ADAMTS18: variants seen among roughly 807,000 people sequenced by gnomAD.
The protein encoded by ADAMTS18 is A disintegrin and metalloproteinase with thrombospondin motifs 18.
Under a neutral mutation model 165.9 loss-of-function variants are expected in ADAMTS18, and 157 were observed. The observed-to-expected ratio is 0.95, with a 90% CI of 0.83 to 1.08. The LOEUF is 1.08. Among genes scored for constraint, ADAMTS18 ranks in the 50% least tolerant of loss-of-function variants. The probability of loss-of-function intolerance (pLI) is 0.00; values close to 1 mark genes in which losing one functional copy is unlikely to be tolerated. For missense variants in ADAMTS18, 2,040 were observed against 1,534.0 expected (o/e 1.33, Z -5.51); for synonymous variants, 782 against 578.2 (o/e 1.35, Z -5.06).
At chr16:77,375,800 CAAG>C (rs2144760228) in intron 3 of ADAMTS18, among the ~76,000 whole-genome samples, 1 of 151,486 alleles carries the variant, frequency 6.6e-6, no homozygotes, top group South Asian at 2.1e-4. Flanking sequence ...ACAGGCTGTA[CAAG>C]AAGCATGACT....
chr16:77,358,521 C>A (rs2056665141), intron 8 of ADAMTS18, among the ~76,000 whole-genome samples: 1 of 152,104 alleles, frequency 6.6e-6, no homozygotes, highest in South Asian at 2.1e-4. Context: ...GAGATCGTGC[C>A]ACTGCACTCC....
chr16:77,328,953 G>C (rs1338157464), intron 12 of ADAMTS18, among the ~76,000 whole-genome samples: 1 of 152,196 alleles, frequency 6.6e-6, no homozygotes, highest in Non-Finnish European at 1.5e-5. Flanking sequence ...TCAAGCTCAG[G>C]CCTGTGGACT....
intron 4 of ADAMTS18, among the ~76,000 whole-genome samples, chr16:77,365,996 A>C (rs2144740855): frequency 6.6e-6 from 1 of 152,352 alleles, no homozygotes; most frequent in Non-Finnish European, 1.5e-5. Context: ...ACTATCATTA[A>C]TACAGGCTAA....
chr16:77,367,783 G>C (rs1377611555), intron 3 of ADAMTS18, 60 bp from the exon 4 acceptor site: 8 of 1,607,808 alleles, frequency 5.0e-6, no homozygotes, highest in Admixed American at 3.3e-5. Flanking sequence ...GCCAAGGGTT[G>C]GTTTTCAACA....
chr16:77,434,994 C>G lies in ADAMTS18; in HGVS notation c.-299G>C, dbSNP rs1450275948. 1 of 266,250 alleles carries G rather than the reference C, an allele frequency of 3.8e-6. No individual in the cohort carries two copies. The highest frequency in any genetic ancestry group is 7.0e-5 in the East Asian group (1 of 14,376). The allele number at this position is 266,250 out of a possible 1,614,324, so 16.5% of individuals were successfully genotyped here. On this transcript the variant is annotated 5_prime_UTR_variant, in exon 1 of 23. Transcript: ENST00000282849. ...ACGGTTGGGAGACTGTCGGTGTCTGCCCGCCCGTCTGTGCGTCTGTCTGTG... is the reference window on the plus strand; with the variant it reads ...ACGGTTGGGAGACTGTCGGTGTCTGGCCGCCCGTCTGTGCGTCTGTCTGTG...
chr16:77,382,076 C>T (rs920506176), intron 3 of ADAMTS18, among the ~76,000 whole-genome samples: 5 of 152,272 alleles, frequency 3.3e-5, no homozygotes, highest in East Asian at 1.9e-4. Flanking sequence ...GCAACAGCCG[C>T]GCCACATCCT....
At chr16:77,387,996 G>A (rs565416028) in intron 3 of ADAMTS18, among the ~76,000 whole-genome samples, 6 of 152,116 alleles carry the variant, frequency 3.9e-5, no homozygotes, top group Non-Finnish European at 8.8e-5. Context: ...TCCTAGGATG[G>A]CAGAGCTTTC....
At chr16:77,422,005 T>A (rs1412280563) in intron 3 of ADAMTS18, among the ~76,000 whole-genome samples, 1 of 152,210 alleles carries the variant, frequency 6.6e-6, no homozygotes, top group Non-Finnish European at 1.5e-5. Context: ...GTTTGGCTAA[T>A]GCAATTTATG....
At chr16:77,321,425 C>T (rs571842923) in intron 14 of ADAMTS18, among the ~76,000 whole-genome samples, 1 of 152,286 alleles carries the variant, frequency 6.6e-6, no homozygotes, top group Admixed American at 6.5e-5. Context: ...AAGGCTTAGA[C>T]TCTTCATCAA....
intron 13 of ADAMTS18, among the ~76,000 whole-genome samples, chr16:77,325,548 A>T (rs2056078027): frequency 6.6e-6 from 1 of 152,072 alleles, no homozygotes; most frequent in African/African-American, 2.4e-5. Context: ...AGTTCATACC[A>T]ATTTCAATTA....
chr16:77,411,659 G>A (rs1213876927), intron 3 of ADAMTS18, among the ~76,000 whole-genome samples: 2 of 147,770 alleles, frequency 1.4e-5, no homozygotes, highest in Non-Finnish European at 3.0e-5. Context: ...CAACTTGATG[G>A]ACCACAGAGT....
chr16:77,311,078 TATG>T (rs1209253589), intron 16 of ADAMTS18, among the ~76,000 whole-genome samples: 19 of 151,848 alleles, frequency 1.3e-4, no homozygotes, highest in African/African-American at 4.4e-4. Context: ...ATGGGAAGAA[TATG>T]ATGTCATACA....
At chr16:77,426,725 A>G (rs117384511) in intron 3 of ADAMTS18, among the ~76,000 whole-genome samples, 4,049 of 152,312 alleles carry the variant, frequency 0.027, 71 homozygotes, top group Non-Finnish European at 0.041. Flanking sequence ...TAGTTGTCCA[A>G]TGAAAAAAGG....
intron 3 of ADAMTS18, among the ~76,000 whole-genome samples, chr16:77,383,094 C>G (rs1412792111): frequency 2.0e-5 from 3 of 152,146 alleles, no homozygotes; most frequent in Non-Finnish European, 4.4e-5. Flanking sequence ...CTCTTGAGCT[C>G]CTCTCTCTGT....
At chr16:77,400,462 G>C (rs890849184) in intron 3 of ADAMTS18, among the ~76,000 whole-genome samples, 74 of 140,410 alleles carry the variant, frequency 5.3e-4, no homozygotes, top group East Asian at 1.4e-3. Context: ...GTGTCTGTGT[G>C]TGTGTGTGTG....
At chr16:77,320,342 C>T (rs950275022) in intron 15 of ADAMTS18, among the ~76,000 whole-genome samples, 4 of 152,164 alleles carry the variant, frequency 2.6e-5, no homozygotes, top group Admixed American at 1.3e-4. Flanking sequence ...CAAATACACT[C>T]TTCTCCTTCC....
At chr16:77,287,181 G>A (rs76684747) in intron 22 of ADAMTS18, among the ~76,000 whole-genome samples, 2,790 of 152,210 alleles carry the variant, frequency 0.018, 85 homozygotes, top group African/African-American at 0.064. Flanking sequence ...GCAGAGTACC[G>A]TACCTGGTCC....
intron 3 of ADAMTS18, among the ~76,000 whole-genome samples, chr16:77,430,297 G>C (rs186436609): frequency 2.6e-5 from 4 of 152,326 alleles, no homozygotes; most frequent in East Asian, 3.9e-4. Flanking sequence ...CGTGATTGTG[G>C]TTGTAATGAA....
intron 3 of ADAMTS18, among the ~76,000 whole-genome samples, chr16:77,373,035 G>A (rs1263445285): frequency 1.3e-5 from 2 of 152,036 alleles, no homozygotes; most frequent in African/African-American, 4.8e-5. Context: ...TTCACTTTTT[G>A]AACCTAGTAA....
Sources: allele counts gnomAD v4.1 joint callset (sites outside exome capture counted in the v4.1 genomes callset), GRCh38; gene constraint gnomAD v4.1.1; transcripts MANE v1.5; gene names NCBI Gene and HGNC (gene_info 2026-07-23, HGNC 2026-07-21).